SHROOM3: variants seen among roughly 807,000 people sequenced by gnomAD.
SHROOM3 encodes the protein protein Shroom3.
SHROOM3 carries 47 observed loss-of-function variants against 138.6 expected under a neutral mutation model. The ratio of observed to expected loss-of-function variants is 0.34; its 90% CI spans 0.27 to 0.43. The LOEUF is 0.43. Ranked by LOEUF, SHROOM3 falls within the 20% of genes least tolerant of loss-of-function variation. SHROOM3 has a pLI of 1.00. For missense variants in SHROOM3, 2,491 were observed against 2,596.5 expected (o/e 0.96, Z 0.88); for synonymous variants, 1,062 against 1,063.3 (o/e 1.00, Z 0.02).
rs749739684 is a variant in SHROOM3, at chr4:76,759,656, G to C, written c.5310G>C (p.Val1770=). 6.2e-7 allele frequency: 1 copy of C among 1,614,168 alleles called. No homozygotes were observed. The highest frequency in any genetic ancestry group is 1.3e-5 in the African/African-American group (1 of 75,044). The change falls in exon 9 of 11, where the codon GTG becomes GTC. Residue 1770 remains valine (V), a synonymous_variant. Coordinates refer to ENST00000296043, the MANE Select transcript of SHROOM3 (RefSeq NM_020859.4). ...LNKIKEMPAE[V]NEEEEQADVN... is the part of the protein sequence containing the mutation. The stretch of plus-strand genomic sequence containing the variant: ...AAATCAAAGAGATGCCAGCAGAAGT[G>C]AATGAGGAAGAGGAACAGGCAGATG...
At chr4:76,601,661 C>A (rs1734507902) in intron 2 of SHROOM3, among the ~76,000 whole-genome samples, 1 of 143,946 alleles carries the variant, frequency 6.9e-6, no homozygotes, top group South Asian at 2.2e-4. Flanking sequence ...CGCCACCAAG[C>A]CCAGCTAATT....
intron 2 of SHROOM3, among the ~76,000 whole-genome samples, chr4:76,674,724 T>G (rs1718982145): frequency 6.6e-6 from 1 of 151,960 alleles, no homozygotes; most frequent in South Asian, 2.1e-4. Context: ...CCAGCTAATT[T>G]TTGCATTTTT....
intron 2 of SHROOM3, among the ~76,000 whole-genome samples, chr4:76,704,928 C>T (rs778793552): frequency 3.3e-5 from 5 of 152,254 alleles, no homozygotes; most frequent in South Asian, 2.1e-4. Flanking sequence ...CAAGGAGACA[C>T]GATTCCTCCA....
intron 1 of SHROOM3, among the ~76,000 whole-genome samples, chr4:76,526,766 G>A (rs975247644): frequency 6.6e-6 from 1 of 152,090 alleles, no homozygotes; most frequent in Non-Finnish European, 1.5e-5. Context: ...GAAGAGCCTA[G>A]GAGTGGTATG....
intron 1 of SHROOM3, among the ~76,000 whole-genome samples, chr4:76,535,681 C>G (rs1424327732): frequency 1.3e-5 from 2 of 152,154 alleles, no homozygotes; most frequent in Admixed American, 6.5e-5. Context: ...GAAATCAGCC[C>G]CTCACTTATG....
At chr4:76,504,224 T>C (rs1288222759) in intron 1 of SHROOM3, among the ~76,000 whole-genome samples, 1 of 152,104 alleles carries the variant, frequency 6.6e-6, no homozygotes, top group Non-Finnish European at 1.5e-5. Context: ...AATGGCACGA[T>C]CTCGGCTCAC....
intron 2 of SHROOM3, among the ~76,000 whole-genome samples, chr4:76,580,628 G>A (rs1241807911): frequency 6.6e-6 from 1 of 152,066 alleles, no homozygotes; most frequent in African/African-American, 2.4e-5. Flanking sequence ...GTTTCTCCAT[G>A]TTGGTCAGGC....
At chr4:76,502,770 C>G (rs898883463) in intron 1 of SHROOM3, among the ~76,000 whole-genome samples, 8 of 152,090 alleles carry the variant, frequency 5.3e-5, no homozygotes. Flanking sequence ...CTGGTTTTAT[C>G]TTTCATATTT....
chr4:76,466,507 A>G (rs1243951915), intron 1 of SHROOM3, among the ~76,000 whole-genome samples: 1 of 152,198 alleles, frequency 6.6e-6, no homozygotes, highest in East Asian at 1.9e-4. Flanking sequence ...TTCCTCAGGA[A>G]CTAAGAGCAG....
At chr4:76,692,347 C>T (rs1719579915) in intron 2 of SHROOM3, among the ~76,000 whole-genome samples, 1 of 152,244 alleles carries the variant, frequency 6.6e-6, no homozygotes, top group African/African-American at 2.4e-5. Context: ...ATCCCAGGAA[C>T]TGGCGATGGG....
At chr4:76,671,904 T>C (rs1247385505) in intron 2 of SHROOM3, among the ~76,000 whole-genome samples, 1 of 152,168 alleles carries the variant, frequency 6.6e-6, no homozygotes, top group Non-Finnish European at 1.5e-5. Flanking sequence ...TATCCAAAAA[T>C]CCAAAATCCA....
chr4:76,443,770 G>C (rs1730747009), intron 1 of SHROOM3, among the ~76,000 whole-genome samples: 1 of 152,202 alleles, frequency 6.6e-6, no homozygotes. Context: ...TCTGCCTTCA[G>C]AGGAAGCTTT....
chr4:76,601,947 G>A (rs1734515976), intron 2 of SHROOM3, among the ~76,000 whole-genome samples: 1 of 152,202 alleles, frequency 6.6e-6, no homozygotes, highest in African/African-American at 2.4e-5. Context: ...CAACCAGGTT[G>A]ATTCAAGGGT....
chr4:76,513,635 A>C (rs1327517789), intron 1 of SHROOM3, among the ~76,000 whole-genome samples: 1 of 152,022 alleles, frequency 6.6e-6, no homozygotes, highest in African/African-American at 2.4e-5. Context: ...CTTCTATCTC[A>C]CTGATCACAT....
chr4:76,600,141 G>A (rs1734475955), intron 2 of SHROOM3, among the ~76,000 whole-genome samples: 1 of 150,370 alleles, frequency 6.7e-6, no homozygotes, highest in Non-Finnish European at 1.5e-5. Context: ...GACAGAGTGA[G>A]ACCCTGTCTC....
intron 2 of SHROOM3, among the ~76,000 whole-genome samples, chr4:76,681,256 A>G (rs1719182523): frequency 6.6e-6 from 1 of 152,056 alleles, no homozygotes; most frequent in Non-Finnish European, 1.5e-5. Context: ...ACCTCTCCCA[A>G]GCATGTCCTG....
chr4:76,684,470 G>A (rs1035410911), intron 2 of SHROOM3, among the ~76,000 whole-genome samples: 2 of 152,200 alleles, frequency 1.3e-5, no homozygotes, highest in African/African-American at 2.4e-5. Flanking sequence ...GGCTCCATGC[G>A]CATTGTAGTT....
intron 2 of SHROOM3, among the ~76,000 whole-genome samples, chr4:76,659,335 G>A (rs998463947): frequency 1.3e-5 from 2 of 152,212 alleles, no homozygotes; most frequent in Non-Finnish European, 2.9e-5. Flanking sequence ...CTTGCCAAGA[G>A]GCCAGGCCCC....
intron 3 of SHROOM3, among the ~76,000 whole-genome samples, chr4:76,711,258 G>A (rs1453527671): frequency 6.6e-6 from 1 of 152,128 alleles, no homozygotes; most frequent in East Asian, 1.9e-4. Context: ...ACTTCCAACT[G>A]TAAAATAAGT....
Sources: gnomAD v4.1 joint callset for allele counts (sites outside exome capture counted in the v4.1 genomes callset) on GRCh38, gnomAD v4.1.1 for gene constraint, MANE v1.5 for transcripts, NCBI Gene and HGNC (gene_info 2026-07-23, HGNC 2026-07-21) for gene names.